The following JAKMIP2 variants were observed in gnomAD, a reference collection of about 807,000 sequenced individuals.
JAKMIP2 encodes janus kinase and microtubule interacting protein 2.
A neutral mutation model predicts 115.0 loss-of-function variants in JAKMIP2; 25 were observed. The ratio of observed to expected loss-of-function variants is 0.22; its 90% CI spans 0.16 to 0.30. The LOEUF (loss-of-function observed/expected upper bound fraction) is 0.30. JAKMIP2 is among the 10% of genes least tolerant of loss of function. The pLI is 1.00. For synonymous variants in JAKMIP2, 334 were observed against 343.6 expected (o/e 0.97, Z 0.31); for missense variants, 642 against 957.6 (o/e 0.67, Z 4.35).
intron 17 of JAKMIP2, among the ~76,000 whole-genome samples, chr5:147,622,368 T>C (rs1373929915): frequency 6.6e-6 from 1 of 152,236 alleles, no homozygotes; most frequent in Non-Finnish European, 1.5e-5. Context: ...ACAGAATTTT[T>C]CATGCTGCAA....
intron 1 of JAKMIP2, among the ~76,000 whole-genome samples, chr5:147,696,196 T>C (rs1752100101): frequency 6.6e-6 from 1 of 152,142 alleles, no homozygotes; most frequent in South Asian, 2.1e-4. Context: ...GGAGATGCCA[T>C]TCATGTATAC....
intron 1 of JAKMIP2, among the ~76,000 whole-genome samples, chr5:147,677,554 A>G (rs921070217): frequency 7.9e-5 from 12 of 152,092 alleles, no homozygotes; most frequent in Non-Finnish European, 1.5e-5. Context: ...ACTTCTGGAG[A>G]CCAGGAGTGG....
intron 18 of JAKMIP2, among the ~76,000 whole-genome samples, chr5:147,619,578 C>G (rs1042388493): frequency 2.6e-5 from 4 of 152,098 alleles, no homozygotes; most frequent in African/African-American, 9.7e-5. Context: ...TGCTCTTTTT[C>G]TTTTGATTCA....
chr5:147,605,803 A>C (rs1446008826), intron 20 of JAKMIP2, among the ~76,000 whole-genome samples: 2 of 152,160 alleles, frequency 1.3e-5, no homozygotes, highest in African/African-American at 2.4e-5. Flanking sequence ...CCCGCCAATC[A>C]TGTAAAATCA....
At chr5:147,702,399 A>C (rs1159391734) in intron 1 of JAKMIP2, among the ~76,000 whole-genome samples, 1 of 144,264 alleles carries the variant, frequency 6.9e-6, no homozygotes, top group African/African-American at 2.6e-5. Flanking sequence ...TCAACACTAA[A>C]GAACTTATGT....
chr5:147,760,622 G>A (rs1407958824), intron 1 of JAKMIP2, among the ~76,000 whole-genome samples: 2 of 152,124 alleles, frequency 1.3e-5, no homozygotes, highest in Non-Finnish European at 2.9e-5. Flanking sequence ...CCCAACTAGG[G>A]CAGCTGTGGA....
At chr5:147,635,226 A>T (rs78465423) in intron 12 of JAKMIP2, among the ~76,000 whole-genome samples, 12,750 of 152,174 alleles carry the variant, frequency 0.084, 902 homozygotes, top group East Asian at 0.35. Flanking sequence ...TAGAAGGTAA[A>T]TATCAAAGGA....
At chr5:147,620,378 A>T (rs1475504423) in intron 18 of JAKMIP2, among the ~76,000 whole-genome samples, 1 of 152,212 alleles carries the variant, frequency 6.6e-6, no homozygotes, top group Non-Finnish European at 1.5e-5. Context: ...GTTTCCCAAA[A>T]GTGCTGGGAT....
At chr5:147,739,894 C>T (rs190181961) in intron 1 of JAKMIP2, among the ~76,000 whole-genome samples, 9 of 152,280 alleles carry the variant, frequency 5.9e-5, no homozygotes, top group African/African-American at 1.9e-4. Flanking sequence ...AAGTCACAGC[C>T]CCTGCCCATT....
chr5:147,732,823 A>ATT (rs779450848), intron 1 of JAKMIP2, among the ~76,000 whole-genome samples: 1 of 152,094 alleles, frequency 6.6e-6, no homozygotes, highest in Non-Finnish European at 1.5e-5. Flanking sequence ...CTGGCATTTG[A>ATT]TTTTATTCTT....
chr5:147,606,778 G>A (rs1369822011), intron 20 of JAKMIP2, among the ~76,000 whole-genome samples: 2 of 152,142 alleles, frequency 1.3e-5, no homozygotes, highest in Non-Finnish European at 2.9e-5. Flanking sequence ...TGGGCAGTAT[G>A]GCCATTTTCA....
intron 20 of JAKMIP2, among the ~76,000 whole-genome samples, chr5:147,608,103 G>T (rs546513847): frequency 6.6e-5 from 10 of 152,072 alleles, no homozygotes; most frequent in African/African-American, 2.4e-4. Flanking sequence ...TATGTATTTT[G>T]TTGATTTTTT....
intron 1 of JAKMIP2, among the ~76,000 whole-genome samples, chr5:147,736,418 A>G (rs1249798543): frequency 6.6e-6 from 1 of 152,178 alleles, no homozygotes; most frequent in African/African-American, 2.4e-5. Flanking sequence ...AGATTGCGCC[A>G]CTGCACTCCA....
chr5:147,640,365 C>A (rs1391427989), intron 9 of JAKMIP2, among the ~76,000 whole-genome samples: 2 of 152,150 alleles, frequency 1.3e-5, no homozygotes, highest in Non-Finnish European at 2.9e-5. Context: ...CCACAGAACA[C>A]ACTTCACTCA....
Position 147,623,590 on chromosome 5 carries a change from T to C in JAKMIP2, c.2064+31A>G, listed in dbSNP as rs200308653. 1.1e-4 allele frequency: 164 copies of C among 1,461,934 alleles called. 1 individual carries two copies. In the African/African-American group the frequency reaches 1.6e-3, roughly 14 times the overall value. The allele number at this position is 1,461,934 out of a possible 1,614,324, so 90.6% of individuals were successfully genotyped here. On this transcript the variant is annotated intron_variant, in intron 17 of 21. Transcript: ENST00000616793. ...TTCCATTTGCCTTGTAAGTTTTTCT[T>C]AATTTTTACAATATCTCATCTTGTA...
chr5:147,620,673 G>C lies in JAKMIP2; in HGVS notation c.2135C>G (p.Ala712Gly), dbSNP rs1177024505. 6.2e-7 allele frequency: 1 copy of C among 1,611,566 alleles called. No homozygotes were observed. Among genetic ancestry groups the C allele is most frequent in the Non-Finnish European group, 8.5e-7 (1 of 1,177,958 alleles). ...LDYRKQALDQ[A>G]YMRIQELEAT... ...ATCACTTGTTGTACCTACCATATAT[G>C]CTTGGTCAAGAGCTTGTTTTCTGTA... The change falls in exon 18 of 22, where the codon GCA becomes GGA. Residue 712 changes from alanine (A) to glycine (G), a missense_variant. Around this residue, in one of 6 missense-constraint regions of JAKMIP2, gnomAD observed 68 missense variants for 104.6 expected, o/e 0.65. Transcript: ENST00000616793.
chr5:147,637,967 C>T (rs1464217062), intron 10 of JAKMIP2, among the ~76,000 whole-genome samples: 4 of 151,914 alleles, frequency 2.6e-5, no homozygotes, highest in Non-Finnish European at 4.4e-5. Flanking sequence ...ATAAAAACAG[C>T]GATGAAAGAT....
intron 1 of JAKMIP2, among the ~76,000 whole-genome samples, chr5:147,723,232 T>C (rs1019598465): frequency 6.6e-6 from 1 of 152,180 alleles, no homozygotes; most frequent in Non-Finnish European, 1.5e-5. Flanking sequence ...GATATACGTA[T>C]ATTTTTGTAA....
At chr5:147,738,232 A>G (rs1258905593) in intron 1 of JAKMIP2, among the ~76,000 whole-genome samples, 1 of 152,166 alleles carries the variant, frequency 6.6e-6, no homozygotes, top group Non-Finnish European at 1.5e-5. Flanking sequence ...CCATTTTAGT[A>G]AAATGCACAA....
Sources: allele counts gnomAD v4.1 joint callset (sites outside exome capture counted in the v4.1 genomes callset), GRCh38; gene constraint gnomAD v4.1.1; regional missense constraint gnomAD v4.1.1; transcripts MANE v1.5; gene names NCBI Gene and HGNC (gene_info 2026-07-23, HGNC 2026-07-21).